Variants in BUD31 observed in about 807,000 individuals in gnomAD.
BUD31 encodes BUD31 spliceosome associated protein.
A neutral mutation model predicts 17.9 loss-of-function variants in BUD31; 9 were observed. The observed-to-expected ratio is 0.50, with a 90% CI of 0.30 to 0.88. BUD31 has a LOEUF of 0.88. Ranked by LOEUF, BUD31 falls within the 40% of genes least tolerant of loss-of-function variation. The pLI is 0.06. For missense variants in BUD31, 148 were observed against 184.5 expected, an observed-to-expected ratio of 0.80 and a Z score of 1.15; for synonymous variants, 70 against 64.7, an observed-to-expected ratio of 1.08 and a Z score of -0.39.
intron 5 of BUD31, 173 bp downstream of exon 5, chr7:99,417,768 G>T: frequency 3.9e-6 from 6 of 1,532,240 alleles, no homozygotes; most frequent in East Asian, 2.5e-5. Flanking sequence ...ATGTGAGGCA[G>T]CGTGTGGCTG....
chr7:99,415,621 G>A (rs922874839), intron 3 of BUD31, among the ~76,000 whole-genome samples: 1 of 152,050 alleles, frequency 6.6e-6, no homozygotes, highest in Non-Finnish European at 1.5e-5. Context: ...CTAAGTAGCG[G>A]GTGTTTTTCC....
At chr7:99,417,780 G>A (rs1487813991) in intron 5 of BUD31, 185 bp downstream of exon 5, 2 of 1,529,732 alleles carry the variant, frequency 1.3e-6, no homozygotes, top group Non-Finnish European at 8.7e-7. Context: ...GTGTGGCTGT[G>A]TGTTTGTTAG....
At position 99,419,475 on chromosome 7, in the gene BUD31, G is replaced by A. The variant is rs752264283; in HGVS notation, c.*34G>A. On this transcript the variant is annotated 3_prime_UTR_variant, in exon 6 of 6. Transcript: ENST00000222969. ...CGCTCCACCCTGGACTCTGGACTTCGCAGGTTCCTGCCTGTCACGCCACCC... is the reference window on the plus strand; with the variant it reads ...CGCTCCACCCTGGACTCTGGACTTCACAGGTTCCTGCCTGTCACGCCACCC... 8 of 1,607,520 alleles carry A rather than the reference G, an allele frequency of 5.0e-6. No homozygotes were observed. Among genetic ancestry groups the A allele is most frequent in the South Asian group, 2.2e-5 (2 of 91,066 alleles).
chr7:99,416,414 GTTTGT>G (rs1795464701), intron 4 of BUD31, 154 bp downstream of exon 4: 1 of 969,952 alleles, frequency 1.0e-6, no homozygotes. Flanking sequence ...TTGTGTGTGT[GTTTGT>G]TTTTTGTTTG....
intron 5 of BUD31, 25 bp from the exon 6 acceptor site, chr7:99,419,366 G>T: frequency 6.2e-7 from 1 of 1,612,556 alleles, no homozygotes. Context: ...CAGTGGCATC[G>T]TCTCACTGTC....
chr7:99,412,616 T>C (rs1231580923), intron 3 of BUD31, among the ~76,000 whole-genome samples: 10 of 141,230 alleles, frequency 7.1e-5, no homozygotes, highest in Admixed American at 7.1e-5. Flanking sequence ...CTTTTTTTTC[T>C]TTTTTTTTTT....
intron 3 of BUD31, chr7:99,415,158 C>A: frequency 2.2e-6 from 1 of 450,676 alleles, no homozygotes; most frequent in Admixed American, 2.4e-5. Flanking sequence ...CTGGGAATCC[C>A]ACCAAGACGC....
At chr7:99,418,015 T>G in intron 5 of BUD31, 1 of 1,154,148 alleles carries the variant, frequency 8.7e-7, no homozygotes, top group Middle Eastern at 4.0e-4. Context: ...TCGCCCAGGC[T>G]GGAGTGCAGT....
At position 99,419,568 on chromosome 7, in the gene BUD31, GCTGT is replaced by G. The variant is rs1795704334; in HGVS notation, c.*130_*133del. 4.8e-6 allele frequency: 5 copies of G among 1,051,728 alleles called. No individual in the cohort carries two copies. Among genetic ancestry groups the G allele is most frequent in the Admixed American group, 2.0e-5 (1 of 50,466 alleles). The allele number at this position is 1,051,728 out of a possible 1,614,324, so 65.1% of individuals were successfully genotyped here. A position where few individuals can be genotyped will look rare whatever the true frequency, so the allele number is the denominator to read the frequency against. On this transcript the variant is annotated 3_prime_UTR_variant, in exon 6 of 6. Coordinates refer to ENST00000222969, the MANE Select transcript of BUD31 (RefSeq NM_003910.4). The stretch of plus-strand genomic sequence containing the variant: ...GCACGGTCTCTATGGGGAAGGCTTC[GCTGT>G]CTATCAGCTGTGATTTGTAAAAATA...
chr7:99,415,568 T>C (rs1450962941), intron 3 of BUD31, among the ~76,000 whole-genome samples: 1 of 152,012 alleles, frequency 6.6e-6, no homozygotes, highest in African/African-American at 2.4e-5. Context: ...TAGAGTCTTC[T>C]CTAAACTCCC....
intron 4 of BUD31, chr7:99,417,013 C>CT (rs547215198): frequency 0.011 from 1,711 of 158,776 alleles, 19 homozygotes; most frequent in African/African-American, 0.034. Context: ...GGCCTAAGTA[C>CT]TTTTTTTTTT....
chr7:99,419,075 G>T, intron 5 of BUD31: 1 of 390,464 alleles, frequency 2.6e-6, no homozygotes. Context: ...CTCATCGCAG[G>T]GTCTGTCATG....
intron 3 of BUD31, among the ~76,000 whole-genome samples, chr7:99,414,985 C>G (rs1047025484): frequency 1.3e-5 from 2 of 152,210 alleles, no homozygotes; most frequent in Non-Finnish European, 2.9e-5. Flanking sequence ...AGGAGAGTTC[C>G]AATTTCTCCA....
Position 99,416,215 on chromosome 7 carries a change from C to G in BUD31, c.172C>G (p.Arg58Gly). The change falls in exon 4 of 6, where the codon CGC (arginine) becomes GGC (glycine). Residue 58 changes from arginine (R) to glycine (G), a missense_variant. Coordinates refer to ENST00000222969, the MANE Select transcript of BUD31 (RefSeq NM_003910.4). The part of the protein sequence containing the change: ...PIFRIHHQKT[R>G]YIFDLFYKRK... Reference sequence around the variant, plus strand: ...CTTCAGGATCCACCACCAGAAAACCCGCTACATCTTCGACCTCTTTTACAA... The same window carrying G: ...CTTCAGGATCCACCACCAGAAAACCGGCTACATCTTCGACCTCTTTTACAA... 3 of 1,613,998 alleles carry G rather than the reference C, an allele frequency of 1.9e-6. No individual in the cohort carries two copies. Among genetic ancestry groups the G allele is most frequent in the Non-Finnish European group, 1.7e-6 (2 of 1,179,936 alleles).
At chr7:99,412,398 C>A (rs1057456013) in intron 3 of BUD31, among the ~76,000 whole-genome samples, 1 of 152,164 alleles carries the variant, frequency 6.6e-6, no homozygotes, top group African/African-American at 2.4e-5. Flanking sequence ...ATATTCTTTA[C>A]CTCCAGACAG....
At chr7:99,409,613 G>A (rs1229855641) in intron 1 of BUD31, among the ~76,000 whole-genome samples, 1 of 152,062 alleles carries the variant, frequency 6.6e-6, no homozygotes, top group Non-Finnish European at 1.5e-5. Context: ...TCAGCGTAGG[G>A]GAGACTAGTG....
chr7:99,412,187 A>G (rs1300022245), intron 3 of BUD31, among the ~76,000 whole-genome samples: 1 of 152,192 alleles, frequency 6.6e-6, no homozygotes, highest in Non-Finnish European at 1.5e-5. Context: ...CTTGTTTTGC[A>G]GTTTAGATTT....
chr7:99,418,598 G>A (rs1383012155), intron 5 of BUD31: 4 of 152,756 alleles, frequency 2.6e-5, no homozygotes, highest in East Asian at 1.9e-4. Context: ...CAGTGGGGGC[G>A]AGCAAGGGCC....
chr7:99,419,108 C>G (rs930468620), intron 5 of BUD31: 20 of 497,930 alleles, frequency 4.0e-5, no homozygotes, highest in Non-Finnish European at 7.3e-5. Context: ...AATAACGAGA[C>G]TCATTCACAC....
Sources: allele counts gnomAD v4.1 joint callset (sites outside exome capture counted in the v4.1 genomes callset), GRCh38; gene constraint gnomAD v4.1.1; transcripts MANE v1.5; gene names NCBI Gene and HGNC (gene_info 2026-07-23, HGNC 2026-07-21).